Variants in CNTNAP2 observed in about 807,000 individuals in gnomAD.
CNTNAP2 encodes the protein contactin associated protein 2.
In CNTNAP2, 98 loss-of-function variants were observed where a neutral mutation model predicts 155.2. The observed-to-expected ratio is 0.63, with a 90% CI of 0.54 to 0.75. CNTNAP2 has a LOEUF of 0.75. Ranked by LOEUF, CNTNAP2 falls within the 30% of genes least tolerant of loss-of-function variation. The probability of loss-of-function intolerance (pLI) is 0.00; values close to 1 mark genes in which losing one functional copy is unlikely to be tolerated. For missense variants in CNTNAP2, 1,727 were observed against 1,688.1 expected (o/e 1.02, Z -0.40); for synonymous variants, 651 against 631.2 (o/e 1.03, Z -0.47).
At chr7:146,376,475 A>G (rs1249779352) in intron 1 of CNTNAP2, among the ~76,000 whole-genome samples, 8 of 152,294 alleles carry the variant, frequency 5.3e-5, no homozygotes, top group East Asian at 1.9e-4. Context: ...ACTTTACACC[A>G]TAAGGGTTTT....
intron 15 of CNTNAP2, among the ~76,000 whole-genome samples, chr7:148,097,347 A>AAAAAAAAAAAAAC: frequency 6.7e-6 from 1 of 150,260 alleles, no homozygotes; most frequent in Non-Finnish European, 1.5e-5. Flanking sequence ...TTGTAAAAAA[A>AAAAAAAAAAAAAC]AAAAAAAAAA....
rs71183016 is a variant in CNTNAP2 at position 147,560,168 on chromosome 7, C to CAAAAAAAAAAAAA, written c.1778-1959_1778-1947dup. On this transcript the variant is annotated intron_variant, in intron 11 of 23. Transcript: ENST00000361727. ...GGGCAACAAGAACGAAACTCCGTCT[C>CAAAAAAAAAAAAA]AAAAAAAAAAAAAAAAAAAAAAATT... Among the ~76,000 whole-genome samples the CAAAAAAAAAAAAA allele has an allele frequency of 4.2e-3, 220 of 52,806 alleles. 18 individuals carry two copies. The highest frequency in any genetic ancestry group is 0.014 in the African/African-American group (200 of 14,292). The allele number at this position is 52,806 out of a possible 152,430, so 34.6% of individuals were successfully genotyped here.
intron 14 of CNTNAP2, among the ~76,000 whole-genome samples, chr7:147,921,069 A>G (rs143495608): frequency 0.016 from 2,483 of 151,914 alleles, 77 homozygotes; most frequent in African/African-American, 0.057. Flanking sequence ...TCGGCCTCCC[A>G]AAGTGCTGAG....
chr7:146,967,955 A>T (rs1279793700), intron 3 of CNTNAP2, among the ~76,000 whole-genome samples: 1 of 149,124 alleles, frequency 6.7e-6, no homozygotes, highest in African/African-American at 2.4e-5. Flanking sequence ...TTTGTCATAG[A>T]TAGCTCTTAT....
At chr7:147,270,828 C>T (rs540033705) in intron 8 of CNTNAP2, among the ~76,000 whole-genome samples, 26 of 152,272 alleles carry the variant, frequency 1.7e-4, no homozygotes, top group African/African-American at 6.3e-4. Flanking sequence ...CTAGCATAGC[C>T]TCATGTGCGA....
At chr7:147,306,614 T>C (rs1302303603) in intron 9 of CNTNAP2, among the ~76,000 whole-genome samples, 1 of 152,244 alleles carries the variant, frequency 6.6e-6, no homozygotes, top group Non-Finnish European at 1.5e-5. Context: ...AAGCACATTC[T>C]ACGTGGAACT....
intron 15 of CNTNAP2, 141 bp from the exon 16 acceptor site, chr7:148,117,977 G>T: frequency 1.5e-5 from 13 of 895,862 alleles, no homozygotes; most frequent in Non-Finnish European, 2.2e-5. Flanking sequence ...GTGAGGATTT[G>T]GTCCAATGTT....
At chr7:147,470,560 T>C (rs573478679) in intron 10 of CNTNAP2, among the ~76,000 whole-genome samples, 1 of 152,108 alleles carries the variant, frequency 6.6e-6, no homozygotes, top group African/African-American at 2.4e-5. Context: ...GCAGTAGAGA[T>C]GGTAGCTATG....
intron 10 of CNTNAP2, among the ~76,000 whole-genome samples, chr7:147,408,147 GAA>G (rs201010537): frequency 0.017 from 2,445 of 146,470 alleles, 64 homozygotes; most frequent in African/African-American, 0.056. Flanking sequence ...ACTGATTTAT[GAA>G]AGAGTTAGAC....
At chr7:148,171,923 C>T (rs975245537) in intron 17 of CNTNAP2, among the ~76,000 whole-genome samples, 5 of 152,204 alleles carry the variant, frequency 3.3e-5, no homozygotes, top group Non-Finnish European at 7.3e-5. Context: ...AGCAAAGAAT[C>T]TAGAGATTTC....
chr7:146,863,753 G>A (rs1163378854), intron 3 of CNTNAP2, among the ~76,000 whole-genome samples: 1 of 152,046 alleles, frequency 6.6e-6, no homozygotes, highest in African/African-American at 2.4e-5. Context: ...GGCTATTTAA[G>A]ATTTCTAAAG....
intron 13 of CNTNAP2, among the ~76,000 whole-genome samples, chr7:147,837,258 CA>C (rs1798649559): frequency 6.6e-6 from 1 of 152,188 alleles, no homozygotes; most frequent in African/African-American, 2.4e-5. Context: ...TGGTGGCAGA[CA>C]AGAGAAGAGA....
intron 13 of CNTNAP2, among the ~76,000 whole-genome samples, chr7:147,670,336 A>T (rs529252404): frequency 6.6e-6 from 1 of 152,216 alleles, no homozygotes; most frequent in Non-Finnish European, 1.5e-5. Context: ...TCTCCTTCTG[A>T]TAGGGACAGG....
intron 15 of CNTNAP2, among the ~76,000 whole-genome samples, chr7:148,108,724 G>A (rs1365777472): frequency 6.6e-6 from 1 of 152,208 alleles, no homozygotes; most frequent in Non-Finnish European, 1.5e-5. Flanking sequence ...TGGTCAAAGA[G>A]TGCAGTTAGG....
At chr7:146,480,121 T>C (rs565063943) in intron 1 of CNTNAP2, among the ~76,000 whole-genome samples, 1 of 152,262 alleles carries the variant, frequency 6.6e-6, no homozygotes, top group African/African-American at 2.4e-5. Context: ...AATGAGGTAA[T>C]GATAACACAC....
chr7:148,303,428 C>T (rs1385317700), intron 21 of CNTNAP2, among the ~76,000 whole-genome samples: 1 of 152,136 alleles, frequency 6.6e-6, no homozygotes, highest in Non-Finnish European at 1.5e-5. Flanking sequence ...TGGAAGGGCG[C>T]ATCCTCTCTT....
chr7:147,715,525 G>T (rs1796468821), intron 13 of CNTNAP2, among the ~76,000 whole-genome samples: 1 of 151,832 alleles, frequency 6.6e-6, no homozygotes, highest in African/African-American at 2.4e-5. Context: ...CATGTCTTTT[G>T]CCCATTTTCT....
intron 1 of CNTNAP2, among the ~76,000 whole-genome samples, chr7:146,737,015 GAATT>G (rs1252833349): frequency 6.6e-6 from 1 of 151,922 alleles, no homozygotes; most frequent in Non-Finnish European, 1.5e-5. Context: ...ATTGTGAAAG[GAATT>G]AATCAAATAA....
chr7:147,422,135 ATATATATATAGTATGTATATATACAG>A (rs1193420339), intron 10 of CNTNAP2, among the ~76,000 whole-genome samples: 2 of 142,370 alleles, frequency 1.4e-5, no homozygotes, highest in Non-Finnish European at 3.0e-5. Context: ...TATATACAGT[ATATATATATAGTATGTATATATACAG>A]TATATATATA....
Sources: gnomAD v4.1 joint callset for allele counts (sites outside exome capture counted in the v4.1 genomes callset) on GRCh38, gnomAD v4.1.1 for gene constraint, MANE v1.5 for transcripts, NCBI Gene and HGNC (gene_info 2026-07-23, HGNC 2026-07-21) for gene names.